Variants in PIN4 observed in about 807,000 individuals in gnomAD.
PIN4 encodes peptidyl-prolyl cis-trans isomerase NIMA-interacting 4.
PIN4 carries 3 observed loss-of-function variants against 8.3 expected under a neutral mutation model. That is an observed-to-expected ratio of 0.36 (90% CI 0.16 to 0.93). PIN4 has a LOEUF of 0.93. Among genes scored for constraint, PIN4 ranks in the 40% least tolerant of loss-of-function variants. PIN4 has a pLI of 0.44. For synonymous variants in PIN4, 18 were observed against 32.5 expected, an observed-to-expected ratio of 0.55 and a Z score of 1.52; for missense variants, 75 against 100.6, an observed-to-expected ratio of 0.75 and a Z score of 1.09.
Position 72,225,726 on chromosome X carries a change from C to T in PIN4, c.312+28822C>T, listed in dbSNP as rs140948896. ...ACTCACTCCCACTCCAGCCCTTTAT[C>T]ATGCTTTCTCTCACCAAAAACGTGC... is the stretch of plus-strand genomic sequence containing the variant. On this transcript the variant is annotated intron_variant, in intron 3 of 3. Coordinates refer to the PIN4 transcript ENST00000423432. 1.9e-3 allele frequency among the ~76,000 whole-genome samples: 209 copies of T among 111,732 alleles called. 2 individuals carry two copies. Among genetic ancestry groups the T allele is most frequent in the Non-Finnish European group, 3.4e-3 (181 of 53,165 alleles).
At chrX:72,238,976 C>T (rs1046967637) in intron 3 of PIN4, 1 of 1,044,239 alleles carries the variant, frequency 9.6e-7, no homozygotes, top group Non-Finnish European at 1.3e-6. Context: ...GAGCTTGGAG[C>T]TTGGAGCTTA....
At chrX:72,216,166 T>A (rs1433917945) in intron 3 of PIN4, among the ~76,000 whole-genome samples, 2 of 109,999 alleles carry the variant, frequency 1.8e-5, no homozygotes, top group African/African-American at 3.3e-5. Flanking sequence ...TAACCTCATA[T>A]GACTAGTTTA....
chrX:72,222,379 T>A (rs959688492), intron 3 of PIN4, among the ~76,000 whole-genome samples: 5 of 111,478 alleles, frequency 4.5e-5, no homozygotes, highest in Non-Finnish European at 9.4e-5. Context: ...CCCATGCAGA[T>A]GAACTCCATA....
chrX:72,253,597 C>T (rs1206307249), intron 3 of PIN4, among the ~76,000 whole-genome samples: 1 of 110,581 alleles, frequency 9.0e-6, no homozygotes, highest in Non-Finnish European at 1.9e-5. Context: ...TGCACTCCAG[C>T]CTGGGCGACA....
At chrX:72,252,930 T>C (rs1406130214) in intron 3 of PIN4, among the ~76,000 whole-genome samples, 1 of 111,694 alleles carries the variant, frequency 9.0e-6, no homozygotes, top group Non-Finnish European at 1.9e-5. Context: ...TAACTGAATA[T>C]TAAGGACACC....
At chrX:72,226,823 A>G (rs147098626) in intron 3 of PIN4, among the ~76,000 whole-genome samples, 16 of 111,861 alleles carry the variant, frequency 1.4e-4, no homozygotes, top group Non-Finnish European at 2.8e-4. Flanking sequence ...TGCTTTGTAC[A>G]AAACAAATTA....
intron 3 of PIN4, among the ~76,000 whole-genome samples, chrX:72,227,957 C>A (rs1413237444): frequency 8.9e-6 from 1 of 112,615 alleles, no homozygotes; most frequent in Non-Finnish European, 1.9e-5. Context: ...TTATACTAGT[C>A]CAAGCAAACA....
intron 3 of PIN4, among the ~76,000 whole-genome samples, chrX:72,252,076 CTTG>C (rs1226065826): frequency 9.0e-6 from 1 of 111,647 alleles, no homozygotes; most frequent in East Asian, 2.8e-4. Flanking sequence ...CATTCACCTT[CTTG>C]TTGTACTCTC....
In PIN4 at chrX:72,223,328, G is replaced by A. The variant is rs1345526297; in HGVS notation, c.312+26424G>A. Among the ~76,000 whole-genome samples, 3 of 92,485 alleles carry A rather than the reference G, an allele frequency of 3.2e-5. No individual in the cohort carries two copies. The East Asian group carries it at 1.3e-3, about 39-fold the overall frequency. The allele number at this position is 92,485 out of a possible 115,157, so 80.3% of individuals were successfully genotyped here. ...GCACTCCAGCCTGGGCAAAAAGAGT[G>A]AAACTCTGTCTTAAAAAAAAAAAAA... On this transcript the variant is annotated intron_variant, in intron 3 of 3. Coordinates refer to the PIN4 transcript ENST00000423432.
At position 72,253,769 on chromosome X, in the gene PIN4, T is replaced by C. The variant is rs190286471; in HGVS notation, c.313-8938T>C. 4.6e-3 allele frequency among the ~76,000 whole-genome samples: 480 copies of C among 105,161 alleles called. 2 individuals are homozygous for C. The highest frequency in any genetic ancestry group is 0.015 in the African/African-American group (441 of 28,770). The allele number at this position is 105,161 out of a possible 115,157, so 91.3% of individuals were successfully genotyped here. On this transcript the variant is annotated intron_variant, in intron 3 of 3. Transcript: ENST00000423432. ...GGGTGACATAGTGAGACACCATCTCTACAAAAAAAAAAACAAAAGAAAACA... is the reference window on the plus strand; with the variant it reads ...GGGTGACATAGTGAGACACCATCTCCACAAAAAAAAAAACAAAAGAAAACA...
In PIN4 at chrX:72,181,845, G is replaced by T. The variant is rs751246926; in HGVS notation, c.43+17G>T. ...CGGGGAAAGGTAGAGCGGCCAGAGC[G>T]ATCAAGGAGAATGGGGGCGGGTGAG... On this transcript the variant is annotated intron_variant, in intron 1 of 3. Coordinates refer to ENST00000373669, the MANE Select transcript of PIN4 (RefSeq NM_006223.4). 22 of 976,374 alleles carry T rather than the reference G, an allele frequency of 2.3e-5. No homozygotes were observed. The Admixed American group carries it at 5.1e-4, about 22-fold the overall frequency. 80.5% of individuals were successfully genotyped at this position (976,374 alleles called of 1,213,427 possible). A position where few individuals can be genotyped will look rare whatever the true frequency, so the allele number is the denominator to read the frequency against.
chrX:72,257,624 G>T (rs1008949523), intron 3 of PIN4, among the ~76,000 whole-genome samples: 1 of 111,727 alleles, frequency 9.0e-6, no homozygotes. Flanking sequence ...TGGACATGGG[G>T]TGGGAAGAAA....
At position 72,245,069 on chromosome X, in the gene PIN4, C is replaced by CAAAAA. The variant is rs35952560; in HGVS notation, c.313-17611_313-17607dup. Among the ~76,000 whole-genome samples, 14 of 19,756 alleles carry CAAAAA rather than the reference C, an allele frequency of 7.1e-4. 3 individuals carry two copies. The highest frequency in any genetic ancestry group is 2.1e-3 in the Admixed American group (2 of 937). The allele number at this position is 19,756 out of a possible 115,157, so 17.2% of individuals were successfully genotyped here. A position where few individuals can be genotyped will look rare whatever the true frequency, so the allele number is the denominator to read the frequency against. Reference sequence around the variant, plus strand: ...CCCGAGTGACAGAGTGAGATCCTGTCAAAAAAAAAAAAAAAAAAAAAAAAA... The same window carrying CAAAAA: ...CCCGAGTGACAGAGTGAGATCCTGTCAAAAAAAAAAAAAAAAAAAAAAAAAAAAAA... On this transcript the variant is annotated intron_variant, in intron 3 of 3. Transcript: ENST00000423432.
At chrX:72,231,429 G>T (rs2042982630) in intron 3 of PIN4, among the ~76,000 whole-genome samples, 1 of 111,683 alleles carries the variant, frequency 9.0e-6, no homozygotes, top group African/African-American at 3.3e-5. Context: ...GGGGAAAGGA[G>T]AAATGTTAGT....
intron 3 of PIN4, chrX:72,239,161 G>C: frequency 2.6e-6 from 1 of 381,440 alleles, no homozygotes; most frequent in African/African-American, 2.5e-5. Context: ...GCGCCGGGAA[G>C]CAGAAGGTGA....
intron 2 of PIN4, among the ~76,000 whole-genome samples, chrX:72,189,103 G>T (rs1262285149): frequency 5.3e-4 from 58 of 110,378 alleles, no homozygotes; most frequent in African/African-American, 1.9e-3. Flanking sequence ...AGTTTGAGGC[G>T]GCAGTGAGTC....
At chrX:72,184,707 G>C (rs2042690292) in intron 1 of PIN4, among the ~76,000 whole-genome samples, 1 of 96,749 alleles carries the variant, frequency 1.0e-5, no homozygotes, top group Non-Finnish European at 2.1e-5. Context: ...TCCTTTGGCA[G>C]TAACATTTTT....
intron 3 of PIN4, among the ~76,000 whole-genome samples, chrX:72,237,108 G>A (rs2043021214): frequency 8.9e-6 from 1 of 111,931 alleles, no homozygotes; most frequent in African/African-American, 3.2e-5. Flanking sequence ...CCCAGCAATC[G>A]GAATTCCAAA....
At chrX:72,235,667 A>G (rs1259644086) in intron 3 of PIN4, among the ~76,000 whole-genome samples, 1 of 111,851 alleles carries the variant, frequency 8.9e-6, no homozygotes, top group Non-Finnish European at 1.9e-5. Context: ...TGCTGGGATT[A>G]CAGGCGTGAG....
Sources: allele counts gnomAD v4.1 joint callset (sites outside exome capture counted in the v4.1 genomes callset), GRCh38; gene constraint gnomAD v4.1.1; transcripts MANE v1.5; gene names NCBI Gene and HGNC (gene_info 2026-07-23, HGNC 2026-07-21).